Variants in RBFOX1 observed in about 807,000 individuals in gnomAD.
RBFOX1 encodes the protein RNA binding protein fox-1 homolog 1.
Under a neutral mutation model 57.7 loss-of-function variants are expected in RBFOX1, and 8 were observed. The observed-to-expected ratio is 0.14, with a 90% confidence interval of 0.08 to 0.25. RBFOX1 has a LOEUF of 0.25. Ranked by LOEUF, RBFOX1 falls within the 10% of genes least tolerant of loss-of-function variation. RBFOX1 has a pLI of 1.00. For missense variants in RBFOX1, 611 were observed against 548.5 expected (o/e 1.11, Z -1.14); for synonymous variants, 326 against 222.4 (o/e 1.47, Z -4.15).
intron 3 of RBFOX1, among the ~76,000 whole-genome samples, chr16:6,977,140 TTA>T (rs776162025): frequency 3.4e-4 from 46 of 137,206 alleles, no homozygotes; most frequent in African/African-American, 7.7e-4. Flanking sequence ...ATGATATATA[TTA>T]TATATATCAT....
intron 3 of RBFOX1, among the ~76,000 whole-genome samples, chr16:6,684,228 G>A (rs1282104843): frequency 6.6e-6 from 1 of 152,200 alleles, no homozygotes; most frequent in African/African-American, 2.4e-5. Context: ...GGAACTGGTG[G>A]GTTGCTGGTG....
Position 7,215,096 on chromosome 16 carries a change from C to T in RBFOX1, c.27+162998C>T, listed in dbSNP as rs55860830. 1.9e-3 allele frequency among the ~76,000 whole-genome samples: 292 copies of T among 152,174 alleles called. 1 individual carries two copies. The highest frequency in any genetic ancestry group is 3.1e-3 in the Non-Finnish European group (211 of 68,018). On this transcript the variant is annotated intron_variant, in intron 4 of 15. Transcript: ENST00000550418. ...CGGACAGGCCCTGGTGTGTGATGTT[C>T]GCCTCCCTACGTCCATGTGTTCTCA...
At chr16:7,476,808 G>A (rs1207627205) in intron 4 of RBFOX1, among the ~76,000 whole-genome samples, 9 of 152,208 alleles carry the variant, frequency 5.9e-5, no homozygotes, top group Admixed American at 6.5e-5. Context: ...CTGCAAAGAT[G>A]TATGAGGCTG....
chr16:7,420,960 C>CACAT (rs1555886220), intron 4 of RBFOX1, among the ~76,000 whole-genome samples: 18 of 145,812 alleles, frequency 1.2e-4, no homozygotes, highest in African/African-American at 3.6e-4. Context: ...CACACACACA[C>CACAT]ATATATATAT....
At chr16:7,079,638 A>G (rs1028097814) in intron 4 of RBFOX1, among the ~76,000 whole-genome samples, 11 of 152,280 alleles carry the variant, frequency 7.2e-5, no homozygotes, top group Non-Finnish European at 1.3e-4. Flanking sequence ...TTGCGTTATG[A>G]TGGAGAGACA....
At chr16:6,542,483 C>CTTTGTTTTTTTTTT (rs2096835062) in intron 2 of RBFOX1, among the ~76,000 whole-genome samples, 1 of 55,720 alleles carries the variant, frequency 1.8e-5, no homozygotes, top group Non-Finnish European at 3.0e-5. Flanking sequence ...GGACCATAGT[C>CTTTGTTTTTTTTTT]TTTTTTTTTT....
intron 4 of RBFOX1, among the ~76,000 whole-genome samples, chr16:7,464,739 C>G (rs1436959667): frequency 1.6e-5 from 2 of 126,648 alleles, no homozygotes; most frequent in Non-Finnish European, 3.1e-5. Context: ...CTCTGTCGCC[C>G]AGGCTGGAGT....
intron 1 of RBFOX1, chr16:6,059,314 G>A (rs530867177): frequency 3.2e-4 from 49 of 152,288 alleles, no homozygotes; most frequent in Non-Finnish European, 6.0e-4. Context: ...TAAACCTGGA[G>A]AACTGAACAG....
At chr16:7,410,843 G>A (rs868616606) in intron 4 of RBFOX1, among the ~76,000 whole-genome samples, 7,723 of 149,218 alleles carry the variant, frequency 0.052, 250 homozygotes, top group Non-Finnish European at 0.07. Context: ...GTGTGTGTGT[G>A]TGTGTGTGTG....
At chr16:6,618,012 C>A (rs949805727) in intron 2 of RBFOX1, among the ~76,000 whole-genome samples, 3 of 152,128 alleles carry the variant, frequency 2.0e-5, no homozygotes, top group Admixed American at 1.3e-4. Flanking sequence ...ATCCACCTGG[C>A]AAATACCTCC....
chr16:6,419,714 A>C (rs931604632), intron 2 of RBFOX1, among the ~76,000 whole-genome samples: 12 of 152,052 alleles, frequency 7.9e-5, no homozygotes, highest in Admixed American at 5.9e-4. Context: ...AGACTATATG[A>C]CACATCCCAG....
intron 1 of RBFOX1, among the ~76,000 whole-genome samples, chr16:6,188,107 C>T (rs926557147): frequency 1.3e-5 from 2 of 152,086 alleles, no homozygotes; most frequent in Non-Finnish European, 2.9e-5. Context: ...AAAAAGTTTT[C>T]CCTCTATATT....
chr16:7,592,051 C>G lies in RBFOX1; in HGVS notation c.469-3498C>G, dbSNP rs144846387. On this transcript the variant is annotated intron_variant, in intron 7 of 15. Transcript: ENST00000550418. ...CCAGGGAGGCCATGCCACTTCTTGT[C>G]TGGGTGGGAGGTAGAATTGCCCAAC... 1.4e-3 allele frequency among the ~76,000 whole-genome samples: 216 copies of G among 152,130 alleles called. 1 individual carries two copies. Among genetic ancestry groups the G allele is most frequent in the African/African-American group, 5.0e-3 (206 of 41,504 alleles).
At chr16:5,465,387 G>T (rs1051270488) in intron 1 of RBFOX1, among the ~76,000 whole-genome samples, 1 of 152,160 alleles carries the variant, frequency 6.6e-6, no homozygotes, top group Non-Finnish European at 1.5e-5. Flanking sequence ...CTCTTTAAAG[G>T]TCCTGTCTGC....
intron 4 of RBFOX1, among the ~76,000 whole-genome samples, chr16:7,355,637 C>G (rs531911398): frequency 2.0e-5 from 3 of 152,306 alleles, no homozygotes; most frequent in East Asian, 3.9e-4. Flanking sequence ...TACAGGTCCA[C>G]TCTATCATTC....
intron 3 of RBFOX1, among the ~76,000 whole-genome samples, chr16:6,888,907 C>G (rs2064777355): frequency 1.3e-5 from 2 of 152,142 alleles, no homozygotes; most frequent in African/African-American, 4.8e-5. Flanking sequence ...CATCTGAATT[C>G]ATTCTCCTGC....
chr16:6,532,453 G>C (rs919845714), intron 2 of RBFOX1, among the ~76,000 whole-genome samples: 2 of 152,156 alleles, frequency 1.3e-5, no homozygotes, highest in Non-Finnish European at 1.5e-5. Context: ...TTGAATGTAT[G>C]GAGGACCCTC....
At chr16:6,870,983 G>A (rs550511406) in intron 3 of RBFOX1, among the ~76,000 whole-genome samples, 65 of 152,296 alleles carry the variant, frequency 4.3e-4, no homozygotes, top group African/African-American at 1.4e-3. Context: ...AGTGGATGAA[G>A]CCCACTATCC....
intron 2 of RBFOX1, among the ~76,000 whole-genome samples, chr16:6,630,559 A>T (rs1046748567): frequency 1.3e-5 from 2 of 152,190 alleles, no homozygotes; most frequent in East Asian, 1.9e-4. Context: ...GCCACTTTAC[A>T]GGTTAAGAAA....
Sources: allele counts gnomAD v4.1 joint callset (sites outside exome capture counted in the v4.1 genomes callset), GRCh38; gene constraint gnomAD v4.1.1; transcripts MANE v1.5; gene names NCBI Gene and HGNC (gene_info 2026-07-23, HGNC 2026-07-21).